The following TTLL8 variants were observed in gnomAD, a reference collection of about 807,000 sequenced individuals.
The protein encoded by TTLL8 is protein monoglycylase TTLL8.
Under a neutral mutation model 77.8 loss-of-function variants are expected in TTLL8, and 65 were observed. That is an observed-to-expected ratio of 0.84 (90% CI 0.68 to 1.03). The LOEUF (loss-of-function observed/expected upper bound fraction) is 1.03. TTLL8 is among the 50% of genes least tolerant of loss of function. The probability of loss-of-function intolerance (pLI) is 0.00; values close to 1 mark genes in which losing one functional copy is unlikely to be tolerated. For synonymous variants in TTLL8, 402 were observed against 422.8 expected, an observed-to-expected ratio of 0.95 and a Z score of 0.60; for missense variants, 910 against 1,004.5, an observed-to-expected ratio of 0.91 and a Z score of 1.27.
At chr22:50,020,782 T>C (rs2061191577) in intron 12 of TTLL8, among the ~76,000 whole-genome samples, 1 of 148,548 alleles carries the variant, frequency 6.7e-6, no homozygotes, top group Admixed American at 6.7e-5. Context: ...TCATCTGACG[T>C]GCACTCCGCC....
In TTLL8 at chr22:50,045,235, C is replaced by G. The variant is rs773249930; in HGVS notation, c.643+20G>C. The G allele has an allele frequency of 7.4e-7, 1 of 1,347,450 alleles. No homozygotes were observed. The highest frequency in any genetic ancestry group is 1.5e-5 in the African/African-American group (1 of 67,584). 83.5% of individuals were successfully genotyped at this position (1,347,450 alleles called of 1,614,324 possible). A position where few individuals can be genotyped will look rare whatever the true frequency, so the allele number is the denominator to read the frequency against. ...CCGAGCTCTGGTGGCCTGGCACTGC[C>G]CTGCCCCGGCCCAGCGCACCTTGCC... is the stretch of plus-strand genomic sequence containing the variant. On this transcript the variant is annotated intron_variant, in intron 6 of 13. Transcript: ENST00000266182.
intron 2 of TTLL8, 132 bp from the exon 5 acceptor site, chr22:50,049,454 C>A (rs2061431642): frequency 1.0e-6 from 1 of 986,628 alleles, no homozygotes; most frequent in African/African-American, 1.7e-5. Flanking sequence ...GGGCCTTCCC[C>A]TGGTGGAGCA....
At chr22:50,055,907 T>C (rs565978879), upstream of TTLL8, among the ~76,000 whole-genome samples, 2 of 152,198 alleles carry the variant, frequency 1.3e-5, no homozygotes, top group South Asian at 2.1e-4. Flanking sequence ...CATTCCCAGA[T>C]GGTGAAGGCA....
intron 8 of TTLL8, among the ~76,000 whole-genome samples, chr22:50,037,878 T>C (rs1040955652): frequency 6.6e-6 from 1 of 152,190 alleles, no homozygotes; most frequent in African/African-American, 2.4e-5. Context: ...AATCAGTTCA[T>C]TAATTCCTCC....
chr22:50,022,915 C>T (rs900927612), intron 12 of TTLL8, among the ~76,000 whole-genome samples: 1 of 152,118 alleles, frequency 6.6e-6, no homozygotes, highest in African/African-American at 2.4e-5. Flanking sequence ...AAAATCAGGG[C>T]ATGTCCCACA....
Position 50,041,710 on chromosome 22 carries a change from A to G in TTLL8, c.741T>C (p.His247=). Residue 247 remains histidine (H), a synonymous_variant, in exon 7 of 14, where the codon CAT becomes CAC. Transcript: ENST00000266182. This position sits in a 1 kb window ranked among gnomAD's most constrained non-coding sequence, Gnocchi z 4.3. Reference sequence around the variant, plus strand: ...CATCTGCTGACGTGTCGATGTCCTCATGCTCCAGCTGCCCCAGGTAGGCCT... The same window carrying G: ...CATCTGCTGACGTGTCGATGTCCTCGTGCTCCAGCTGCCCCAGGTAGGCCT... The G allele has an allele frequency of 1.5e-6, 2 of 1,366,756 alleles. No homozygotes were observed. Among genetic ancestry groups the G allele is most frequent in the Non-Finnish European group, 2.0e-6 (2 of 1,021,540 alleles). The allele number at this position is 1,366,756 out of a possible 1,614,324, so 84.7% of individuals were successfully genotyped here. A position where few individuals can be genotyped will look rare whatever the true frequency, so the allele number is the denominator to read the frequency against.
At chr22:50,052,366 C>T (rs191323574) in intron 1 of TTLL8, among the ~76,000 whole-genome samples, 12 of 151,994 alleles carry the variant, frequency 7.9e-5, no homozygotes, top group African/African-American at 2.4e-4. Flanking sequence ...AAGGAAACCA[C>T]CAAAGGAATA....
chr22:50,025,618 C>T (rs1366562044), intron 12 of TTLL8, among the ~76,000 whole-genome samples: 1 of 152,096 alleles, frequency 6.6e-6, no homozygotes, highest in East Asian at 1.9e-4. Context: ...CCAGCCTGGG[C>T]AACAGAGTGA....
At chr22:50,045,082 C>T (rs986538902) in intron 6 of TTLL8, 173 bp downstream of exon 8, 13 of 562,448 alleles carry the variant, frequency 2.3e-5, no homozygotes, top group South Asian at 7.6e-5. Context: ...TTTAGCCCCA[C>T]GGTTAGAACA....
intron 11 of TTLL8, 56 bp downstream of exon 12, chr22:50,031,630 C>A (rs2061293666): frequency 4.9e-6 from 6 of 1,216,476 alleles, no homozygotes; most frequent in Non-Finnish European, 5.3e-6. Flanking sequence ...GACCAGGTGG[C>A]AAAGCATCCA....
intron 12 of TTLL8, among the ~76,000 whole-genome samples, chr22:50,021,400 T>TGAC (rs574068918): frequency 5.9e-4 from 87 of 146,836 alleles, no homozygotes; most frequent in African/African-American, 2.0e-3. Context: ...CTCCTCCATC[T>TGAC]GATGTGCACT....
chr22:50,039,928 C>T (rs2061359103), intron 8 of TTLL8, among the ~76,000 whole-genome samples: 1 of 151,038 alleles, frequency 6.6e-6, no homozygotes, highest in Non-Finnish European at 1.5e-5. Context: ...GTGGACGGAC[C>T]TCACGGACCT....
chr22:50,025,818 G>A (rs1209712249), intron 12 of TTLL8, among the ~76,000 whole-genome samples: 3 of 152,120 alleles, frequency 2.0e-5, no homozygotes, highest in African/African-American at 4.8e-5. Flanking sequence ...TGAGAAACAC[G>A]AATTAAAACC....
At chr22:50,029,632 G>A (rs2061271032) in intron 12 of TTLL8, among the ~76,000 whole-genome samples, 1 of 152,142 alleles carries the variant, frequency 6.6e-6, no homozygotes, top group South Asian at 2.1e-4. Flanking sequence ...TCGGGAGGCT[G>A]AGGCAGGAGA....
chr22:50,050,800 C>T (rs1326467113), intron 1 of TTLL8, among the ~76,000 whole-genome samples: 2 of 152,146 alleles, frequency 1.3e-5, no homozygotes, highest in Admixed American at 6.5e-5. Flanking sequence ...TGCATGCAGC[C>T]CCCAGTCACG....
intron 12 of TTLL8, among the ~76,000 whole-genome samples, chr22:50,021,341 G>C (rs2061197807): frequency 6.7e-6 from 1 of 148,372 alleles, no homozygotes; most frequent in South Asian, 2.2e-4. Flanking sequence ...TCCTCCATCT[G>C]ATATGCACTC....
upstream of TTLL8, among the ~76,000 whole-genome samples, chr22:50,056,079 G>A (rs1391213714): frequency 3.3e-5 from 5 of 152,144 alleles, no homozygotes; most frequent in Non-Finnish European, 5.9e-5. This position sits in a 1 kb window ranked among gnomAD's most constrained non-coding sequence, Gnocchi z 4.1. Flanking sequence ...CACCAGCGCC[G>A]TCTCAAAGAA....
At position 50,034,942 on chromosome 22, in the gene TTLL8, G is replaced by A. The variant is rs774988175; in HGVS notation, c.922-480C>T. Among the ~76,000 whole-genome samples the A allele has an allele frequency of 3.3e-5, 5 of 152,216 alleles. No homozygotes were observed. Among genetic ancestry groups the A allele is most frequent in the Non-Finnish European group, 7.3e-5 (5 of 68,028 alleles). On this transcript the variant is annotated intron_variant, in intron 8 of 13. Coordinates refer to ENST00000266182, the Ensembl canonical transcript of TTLL8. This position sits in a 1 kb window ranked among gnomAD's most constrained non-coding sequence, Gnocchi z 4.1. ...GGCCCGTGCAGGCCTCCTGTGTCCC[G>A]GCCAGCTGCCAGCACCACATCCTGG...
upstream of TTLL8, among the ~76,000 whole-genome samples, chr22:50,057,481 T>G (rs939686807): frequency 1.6e-3 from 10 of 6,402 alleles, no homozygotes; most frequent in South Asian, 5.8e-3. Context: ...GTCTGGATTG[T>G]GGGTCAGGTC....
Sources: allele counts gnomAD v4.1 joint callset (sites outside exome capture counted in the v4.1 genomes callset), GRCh38; gene constraint gnomAD v4.1.1; non-coding constraint Gnocchi (gnomAD v3.1); transcripts MANE v1.5; gene names NCBI Gene and HGNC (gene_info 2026-07-23, HGNC 2026-07-21).